The following UGT1A7 variants were observed in gnomAD, a reference collection of about 807,000 sequenced individuals.
The protein encoded by UGT1A7 is UDP glucuronosyltransferase family 1 member A7, also known as UDP-glucuronosyltransferase 1A7.
UGT1A7 carries 33 observed loss-of-function variants against 45.6 expected under a neutral mutation model. The observed-to-expected ratio is 0.72, with a 90% CI of 0.55 to 0.97. The LOEUF (loss-of-function observed/expected upper bound fraction) is 0.97, where lower values mean the gene tolerates loss of function less well. Among genes scored for constraint, UGT1A7 ranks in the 50% least tolerant of loss-of-function variants. The pLI, the probability that UGT1A7 is intolerant of heterozygous loss-of-function variation, is 0.00. For missense variants in UGT1A7, 684 were observed against 666.2 expected (o/e 1.03, Z -0.29); for synonymous variants, 274 against 250.6 (o/e 1.09, Z -0.88).
chr2:233,701,855 G>A (rs1575472427), intron 1 of UGT1A7, among the ~76,000 whole-genome samples: 2 of 152,134 alleles, frequency 1.3e-5, no homozygotes, highest in East Asian at 1.9e-4. Flanking sequence ...GTGTGTAGAG[G>A]GAAATTTATA....
At chr2:233,753,469 A>T (rs28900386) in intron 1 of UGT1A7, 9 of 152,358 alleles carry the variant, frequency 5.9e-5, no homozygotes, top group African/African-American at 1.9e-4. Flanking sequence ...TCTGTAAAAA[A>T]TTACCAGCAT....
chr2:233,745,429 A>G (rs1003194784), intron 1 of UGT1A7, among the ~76,000 whole-genome samples: 4 of 151,698 alleles, frequency 2.6e-5, no homozygotes, highest in African/African-American at 4.9e-5. Flanking sequence ...ATAAATTGTG[A>G]GGCAATACAC....
At chr2:233,758,936 A>G (rs3755319) in intron 1 of UGT1A7, among the ~76,000 whole-genome samples, 2 of 152,038 alleles carry the variant, frequency 1.3e-5, no homozygotes, top group Non-Finnish European at 2.9e-5. Context: ...TTGACTTCAA[A>G]TCAGTCATCA....
In UGT1A7 at chr2:233,769,577, T is replaced by C. The variant is rs780547888; in HGVS notation, c.1295+1138T>C. 1 of 1,612,862 alleles carries C rather than the reference T, an allele frequency of 6.2e-7. No homozygotes were observed. The highest frequency in any genetic ancestry group is 1.1e-5 in the South Asian group (1 of 91,064). ...ACAGATGTGAAGAGCTGGAGCATGTTCAGATGAGAGGAGACGGAACACGGG... is the reference window on the plus strand; with the variant it reads ...ACAGATGTGAAGAGCTGGAGCATGTCCAGATGAGAGGAGACGGAACACGGG... On this transcript the variant is annotated intron_variant, in intron 4 of 4. Transcript: ENST00000373426. The surrounding 1 kb of genome is among the most constrained non-coding windows in gnomAD (Gnocchi z 4.4).
chr2:233,747,595 G>A lies in UGT1A7; in HGVS notation c.856-19439G>A, dbSNP rs188498977. 1.9e-6 allele frequency: 3 copies of A among 1,576,476 alleles called. 1 individual carries two copies. In the African/African-American group the frequency reaches 4.1e-5, roughly 21 times the overall value. ...TCATCTTTGGTCTTTCATAGGTCTT[G>A]TGTGGAGCTACTGCATAATGAGGCC... On this transcript the variant is annotated intron_variant, in intron 1 of 4. Coordinates refer to ENST00000373426, the MANE Select transcript of UGT1A7 (RefSeq NM_019077.3).
intron 1 of UGT1A7, among the ~76,000 whole-genome samples, chr2:233,702,756 T>TA (rs2075705310): frequency 6.6e-6 from 1 of 152,230 alleles, no homozygotes; most frequent in South Asian, 2.1e-4. Flanking sequence ...ATTCTAGTGA[T>TA]ATGTGTTAAT....
intron 1 of UGT1A7, among the ~76,000 whole-genome samples, chr2:233,745,360 T>C (rs1413277244): frequency 2.0e-5 from 3 of 151,920 alleles, no homozygotes; most frequent in African/African-American, 4.9e-5. Flanking sequence ...GGAATTTTTT[T>C]GAGATCTGAG....
At position 233,713,165 on chromosome 2, in the gene UGT1A7, G is replaced by A. The variant is rs28898601; in HGVS notation, c.855+30373G>A. The A allele has an allele frequency of 2.1e-4, 341 of 1,614,222 alleles. 2 individuals are homozygous for A. In the South Asian group the frequency reaches 3.5e-3, roughly 17 times the overall value. ...ACCTCCATGCGAGAGGCCACCAGGT[G>A]GTGGTCCTCACCCTGGAGGTGAATA... On this transcript the variant is annotated intron_variant, in intron 1 of 4. Transcript: ENST00000373426.
chr2:233,688,285 A>G (rs1367032725), intron 1 of UGT1A7, among the ~76,000 whole-genome samples: 3 of 152,182 alleles, frequency 2.0e-5, no homozygotes, highest in Non-Finnish European at 2.9e-5. Flanking sequence ...GTATGGATTT[A>G]CCGCATTTTT....
At position 233,747,695 on chromosome 2, in the gene UGT1A7, G is replaced by A. The variant is rs569419089; in HGVS notation, c.856-19339G>A. The A allele has an allele frequency of 6.2e-4, 998 of 1,611,470 alleles. 13 individuals carry two copies. In the South Asian group the frequency reaches 7.6e-3, roughly 12 times the overall value. On this transcript the variant is annotated intron_variant, in intron 1 of 4. Coordinates refer to ENST00000373426, the MANE Select transcript of UGT1A7 (RefSeq NM_019077.3). ...CAATTTACCTCTGTGGGGCAGTGCTGGCTAAGTACCTATCAATTCCTGCTG... is the reference window on the plus strand; with the variant it reads ...CAATTTACCTCTGTGGGGCAGTGCTAGCTAAGTACCTATCAATTCCTGCTG...
At chr2:233,743,092 C>A (rs1287220574) in intron 1 of UGT1A7, 2 of 346,770 alleles carry the variant, frequency 5.8e-6, no homozygotes, top group African/African-American at 2.2e-5. Flanking sequence ...TTTATAAATT[C>A]TTGGGTACAG....
chr2:233,694,201 A>G (rs765076556), intron 1 of UGT1A7, among the ~76,000 whole-genome samples: 78 of 152,126 alleles, frequency 5.1e-4, no homozygotes, highest in Non-Finnish European at 2.2e-4. Flanking sequence ...TCCAGGTTAA[A>G]ATCCATTTTC....
chr2:233,690,208 T>A lies in UGT1A7; in HGVS notation c.855+7416T>A, dbSNP rs181844455. 1.8e-4 allele frequency among the ~76,000 whole-genome samples: 27 copies of A among 152,382 alleles called. No homozygotes were observed. In the East Asian group the frequency reaches 5.0e-3, roughly 28 times the overall value. ...TCATAAAATATTCATAAATTCAATG[T>A]TTGCCATTTTAGTATTCTAGATTCA... On this transcript the variant is annotated intron_variant, in intron 1 of 4. Transcript: ENST00000373426.
chr2:233,729,936 G>T lies in UGT1A7; in HGVS notation c.856-37098G>T, dbSNP rs1335744695. On this transcript the variant is annotated intron_variant, in intron 1 of 4. Transcript: ENST00000373426. ...TGATGGACTACCCCAGGCCAATCAT[G>T]CCCAACATGGTCTTCATTGGGGGCA... 5 of 1,613,890 alleles carry T rather than the reference G, an allele frequency of 3.1e-6. No individual in the cohort carries two copies. In the African/African-American group the frequency reaches 6.7e-5, roughly 22 times the overall value.
chr2:233,729,175 C>T (rs2077809820), intron 1 of UGT1A7: 1 of 1,613,710 alleles, frequency 6.2e-7, no homozygotes, highest in African/African-American at 1.3e-5. Context: ...CACAGGACTG[C>T]TGCTTCTCCT....
intron 1 of UGT1A7, chr2:233,747,870 C>T (rs1693798797): frequency 1.2e-6 from 2 of 1,613,434 alleles, no homozygotes; most frequent in Non-Finnish European, 1.7e-6. Context: ...CCCTCTGGCC[C>T]TGTCCTACCT....
At position 233,742,113 on chromosome 2, in the gene UGT1A7, C is replaced by T. The variant is rs368055004; in HGVS notation, c.856-24921C>T. On this transcript the variant is annotated intron_variant, in intron 1 of 4. Coordinates refer to ENST00000373426, the MANE Select transcript of UGT1A7 (RefSeq NM_019077.3). ...TTCCAGGACCCACTGCCAAGACCAGCTTGGTCGTGGAGACCCTAACCCAGC... is the reference window on the plus strand; with the variant it reads ...TTCCAGGACCCACTGCCAAGACCAGTTTGGTCGTGGAGACCCTAACCCAGC... 2.0e-4 allele frequency among the ~76,000 whole-genome samples: 30 copies of T among 151,982 alleles called. 1 individual carries two copies. The highest frequency in any genetic ancestry group is 7.0e-4 in the African/African-American group (29 of 41,250).
chr2:233,769,481 G>C lies in UGT1A7; in HGVS notation c.1295+1042G>C. ...TTCATATGCGTGTGTGTGTGTGTGCGTGTGTTTATGAGAGTGTCCATTGCT... is the reference window on the plus strand; with the variant it reads ...TTCATATGCGTGTGTGTGTGTGTGCCTGTGTTTATGAGAGTGTCCATTGCT... On this transcript the variant is annotated intron_variant, in intron 4 of 4. Coordinates refer to ENST00000373426, the MANE Select transcript of UGT1A7 (RefSeq NM_019077.3). This position sits in a 1 kb window ranked among gnomAD's most constrained non-coding sequence, Gnocchi z 4.4. 6.2e-7 allele frequency: 1 copy of C among 1,612,192 alleles called. No homozygotes were observed. The highest frequency in any genetic ancestry group is 1.1e-5 in the South Asian group (1 of 91,012).
At chr2:233,734,322 A>G (rs1391524851) in intron 1 of UGT1A7, among the ~76,000 whole-genome samples, 1 of 152,110 alleles carries the variant, frequency 6.6e-6, no homozygotes, top group Non-Finnish European at 1.5e-5. Flanking sequence ...AGACGTATTT[A>G]TAGTATTCTC....
Sources: allele counts gnomAD v4.1 joint callset (sites outside exome capture counted in the v4.1 genomes callset), GRCh38; gene constraint gnomAD v4.1.1; non-coding constraint Gnocchi (gnomAD v3.1); transcripts MANE v1.5; gene names NCBI Gene and HGNC (gene_info 2026-07-23, HGNC 2026-07-21).